Variants in COL27A1 observed in about 807,000 individuals in gnomAD.
COL27A1 encodes collagen type XXVII alpha 1 chain, also known as collagen alpha-1(XXVII) chain.
COL27A1 carries 106 observed loss-of-function variants against 251.3 expected under a neutral mutation model. That is an observed-to-expected ratio of 0.42 (90% CI 0.36 to 0.50). The LOEUF is 0.50. Ranked by LOEUF, COL27A1 falls within the 20% of genes least tolerant of loss-of-function variation. The probability of loss-of-function intolerance (pLI) is 0.00; values close to 1 mark genes in which losing one functional copy is unlikely to be tolerated. For synonymous variants in COL27A1, 1,000 were observed against 986.3 expected, an observed-to-expected ratio of 1.01 and a Z score of -0.26; for missense variants, 2,325 against 2,522.8, an observed-to-expected ratio of 0.92 and a Z score of 1.68.
chr9:114,243,482 C>A, intron 22 of COL27A1, 25 bp from the exon 23 acceptor site: 1 of 1,612,298 alleles, frequency 6.2e-7, no homozygotes, highest in Non-Finnish European at 8.5e-7. Flanking sequence ...CCAGCTTCTC[C>A]CACTTACCTG....
rs780802436 is a variant in COL27A1 at position 114,290,277 on chromosome 9, G to T, written c.4314G>T (p.Glu1438Asp). 1.3e-6 allele frequency: 2 copies of T among 1,581,104 alleles called. No individual in the cohort carries two copies. Among genetic ancestry groups the T allele is most frequent in the East Asian group, 4.6e-5 (2 of 43,776 alleles). Residue 1438 changes from glutamate to aspartate, a missense_variant, in exon 47 of 61, where the codon GAG becomes GAT. Transcript: ENST00000356083. The surrounding 1 kb of genome is among the most constrained non-coding windows in gnomAD (Gnocchi z 4.6). ...GCGTGGTGGGGAGACAGGGCCTCGA[G>T]GGCATCGCTGGACCAGATGGGCTTC... ...PRGVVGRQGL[E>D]GIAGPDGLPG...
intron 49 of COL27A1, among the ~76,000 whole-genome samples, chr9:114,296,156 T>A (rs1828243913): frequency 6.6e-6 from 1 of 152,222 alleles, no homozygotes; most frequent in Admixed American, 6.5e-5. Context: ...CAAAGATTTC[T>A]TAGATATGGT....
chr9:114,214,266 G>A (rs1026520844), intron 12 of COL27A1, among the ~76,000 whole-genome samples: 1 of 152,146 alleles, frequency 6.6e-6, no homozygotes, highest in Non-Finnish European at 1.5e-5. Context: ...CCTTATCCAA[G>A]CTTTAGGCCA....
chr9:114,253,174 C>T (rs1189852201), intron 27 of COL27A1, among the ~76,000 whole-genome samples: 1 of 152,086 alleles, frequency 6.6e-6, no homozygotes, highest in Non-Finnish European at 1.5e-5. Context: ...GCATGAGAAT[C>T]GCTTGAACCC....
chr9:114,237,474 C>T (rs1246884263), intron 18 of COL27A1, among the ~76,000 whole-genome samples, 188 bp from the exon 19 acceptor site: 2 of 152,202 alleles, frequency 1.3e-5, no homozygotes, highest in African/African-American at 2.4e-5. Flanking sequence ...AAGTGACTTG[C>T]CCAGGGTCCC....
upstream of COL27A1, among the ~76,000 whole-genome samples, chr9:114,154,195 A>C (rs1187326462): frequency 6.6e-6 from 1 of 152,030 alleles, no homozygotes; most frequent in Non-Finnish European, 1.5e-5. The surrounding 1 kb of genome is among the most constrained non-coding windows in gnomAD (Gnocchi z 5.8). Context: ...TCGGCGGCGC[A>C]GTCCCGCGCG....
At chr9:114,288,324 C>T in intron 41 of COL27A1, 131 bp from the exon 42 acceptor site, 1 of 928,138 alleles carries the variant, frequency 1.1e-6, no homozygotes, top group South Asian at 1.4e-5. Context: ...ACCCTTCCCT[C>T]TCTAGTTTGT....
chr9:114,191,556 T>A (rs1828748454), intron 5 of COL27A1, among the ~76,000 whole-genome samples: 1 of 152,248 alleles, frequency 6.6e-6, no homozygotes, highest in Non-Finnish European at 1.5e-5. Context: ...TTGCTTAGGA[T>A]AATGGCTTCT....
intron 12 of COL27A1, among the ~76,000 whole-genome samples, chr9:114,217,383 A>G: frequency 6.6e-6 from 1 of 152,158 alleles, no homozygotes; most frequent in Non-Finnish European, 1.5e-5. Flanking sequence ...TGAGGCCCCA[A>G]GAGGCCTGTG....
chr9:114,205,205 G>T, intron 8 of COL27A1, 59 bp downstream of exon 8: 2 of 1,500,196 alleles, frequency 1.3e-6, no homozygotes, highest in Non-Finnish European at 1.8e-6. Context: ...GCCCCTACCT[G>T]TCTCTGGCCC....
intron 7 of COL27A1, among the ~76,000 whole-genome samples, chr9:114,204,430 C>T (rs1038383974): frequency 2.6e-5 from 4 of 152,216 alleles, no homozygotes; most frequent in Non-Finnish European, 5.9e-5. Flanking sequence ...GCTTGGTTCT[C>T]TCGACTCAGA....
At chr9:114,164,188 A>T (rs1367244322) in intron 2 of COL27A1, among the ~76,000 whole-genome samples, 1 of 152,182 alleles carries the variant, frequency 6.6e-6, no homozygotes, top group Non-Finnish European at 1.5e-5. Context: ...AGGATAATAA[A>T]GAGTACCTGC....
chr9:114,270,838 C>T (rs1270538136), intron 36 of COL27A1, 57 bp downstream of exon 36: 8 of 1,317,364 alleles, frequency 6.1e-6, no homozygotes, highest in Non-Finnish European at 6.6e-6. Context: ...GCTTTCCCAT[C>T]CAAGACCTAA....
At chr9:114,236,721 G>A (rs747402384) in intron 17 of COL27A1, among the ~76,000 whole-genome samples, 1 of 152,330 alleles carries the variant, frequency 6.6e-6, no homozygotes, top group East Asian at 1.9e-4. Flanking sequence ...CAGAGCCTGC[G>A]TGCAGCCCCA....
intron 48 of COL27A1, among the ~76,000 whole-genome samples, chr9:114,291,195 G>C (rs74671840): frequency 2.6e-5 from 4 of 152,148 alleles, no homozygotes; most frequent in African/African-American, 7.2e-5. Flanking sequence ...GTGGACATTT[G>C]TGGAACAACA....
chr9:114,191,360 G>T (rs540558686), intron 5 of COL27A1, among the ~76,000 whole-genome samples: 1 of 151,930 alleles, frequency 6.6e-6, no homozygotes, highest in Non-Finnish European at 1.5e-5. Context: ...CTATCAACCC[G>T]TCACCTAGGT....
chr9:114,171,938 G>T (rs1213908614), intron 3 of COL27A1, among the ~76,000 whole-genome samples: 2 of 152,148 alleles, frequency 1.3e-5, no homozygotes, highest in African/African-American at 2.4e-5. Context: ...CCCGCCAAAG[G>T]CTCCCAGCGT....
At position 114,195,996 on chromosome 9, in the gene COL27A1, G is replaced by A; in HGVS notation, c.2108G>A (p.Gly703Glu). Reference protein sequence around the residue: ...MGLPGLSGNPGPPGRKGHKGY... With the variant: ...MGLPGLSGNPEPPGRKGHKGY... ...TTGCCTGGGCTCTCCGGGAATCCAG[G>A]ACCTCCGGGACGAAAGGTACTGTTT... Residue 703 changes from glycine to glutamate, a missense_variant, in exon 7 of 61, where the codon GGA becomes GAA. By Grantham distance (98) the Gly-to-Glu change is moderately conservative. Coordinates refer to ENST00000356083, the MANE Select transcript of COL27A1 (RefSeq NM_032888.4). 3 of 1,614,124 alleles carry A rather than the reference G, an allele frequency of 1.9e-6. No individual in the cohort carries two copies. The highest frequency in any genetic ancestry group is 1.3e-5 in the African/African-American group (1 of 75,038).
chr9:114,273,554 G>A (rs528255761), intron 36 of COL27A1: 1 of 152,442 alleles, frequency 6.6e-6, no homozygotes, highest in Non-Finnish European at 1.5e-5. Flanking sequence ...GCTTTCTTGA[G>A]CCTCTCTTCT....
Sources: gnomAD v4.1 joint callset for allele counts (sites outside exome capture counted in the v4.1 genomes callset) on GRCh38, gnomAD v4.1.1 for gene constraint, Gnocchi (gnomAD v3.1) non-coding constraint, MANE v1.5 for transcripts, NCBI Gene and HGNC (gene_info 2026-07-23, HGNC 2026-07-21) for gene names.